SUGCT: variants seen among roughly 807,000 people sequenced by gnomAD.
SUGCT encodes the protein succinyl-CoA:glutarate-CoA transferase.
SUGCT carries 41 observed loss-of-function variants against 55.0 expected under a neutral mutation model. The observed-to-expected ratio is 0.74, with a 90% CI of 0.58 to 0.97. SUGCT has a LOEUF of 0.97. Ranked by LOEUF, SUGCT falls within the 50% of genes least tolerant of loss-of-function variation. SUGCT has a pLI of 0.00. For missense variants in SUGCT, 568 were observed against 547.8 expected (o/e 1.04, Z -0.37); for synonymous variants, 187 against 200.4 (o/e 0.93, Z 0.56).
At chr7:40,652,362 G>T (rs1240261299) in intron 12 of SUGCT, among the ~76,000 whole-genome samples, 1 of 152,118 alleles carries the variant, frequency 6.6e-6, no homozygotes, top group Non-Finnish European at 1.5e-5. Flanking sequence ...CTCCTGCCCT[G>T]CCTTCTTATT....
chr7:40,253,810 T>G (rs989725064), intron 7 of SUGCT, among the ~76,000 whole-genome samples: 1 of 152,242 alleles, frequency 6.6e-6, no homozygotes, highest in Non-Finnish European at 1.5e-5. Flanking sequence ...CATGAGCCAC[T>G]GCACCCGGCC....
intron 9 of SUGCT, among the ~76,000 whole-genome samples, chr7:40,429,121 C>T (rs1022890665): frequency 1.3e-5 from 1 of 79,314 alleles, no homozygotes; most frequent in African/African-American, 4.7e-5. Context: ...ACATAATTAC[C>T]GTTTTTTTTT....
chr7:40,845,717 C>A (rs532405765), intron 13 of SUGCT, among the ~76,000 whole-genome samples: 1 of 152,096 alleles, frequency 6.6e-6, no homozygotes, highest in African/African-American at 2.4e-5. Context: ...ATCAATTGTT[C>A]GACAAATAAT....
At position 40,550,807 on chromosome 7, in the gene SUGCT, G is replaced by T. The variant is rs912956054; in HGVS notation, c.1089+54421G>T. On this transcript the variant is annotated intron_variant, in intron 12 of 13. Transcript: ENST00000335693. ...CTCTCATTGTGTCTTTTGAGGTGTC[G>T]CAAGGGGCTCTAGATGTTTTTCAGA... Among the ~76,000 whole-genome samples, 32 of 152,140 alleles carry T rather than the reference G, an allele frequency of 2.1e-4. 1 individual carries two copies. Among genetic ancestry groups the T allele is most frequent in the Admixed American group, 1.6e-3 (25 of 15,270 alleles).
intron 12 of SUGCT, among the ~76,000 whole-genome samples, chr7:40,608,287 T>A (rs1584116653): frequency 6.6e-6 from 1 of 152,234 alleles, no homozygotes; most frequent in East Asian, 1.9e-4. Flanking sequence ...ATTTTAAATC[T>A]TCCTTATACA....
intron 13 of SUGCT, among the ~76,000 whole-genome samples, chr7:40,778,134 C>T (rs962941850): frequency 6.6e-6 from 1 of 152,202 alleles, no homozygotes; most frequent in African/African-American, 2.4e-5. Context: ...GGACTGAAAG[C>T]CAGTGGTTAA....
chr7:40,636,245 C>T (rs1800017114), intron 12 of SUGCT, among the ~76,000 whole-genome samples: 2 of 152,156 alleles, frequency 1.3e-5, no homozygotes, highest in African/African-American at 4.8e-5. Flanking sequence ...AAGGCTCCCT[C>T]ACATGACTAG....
intron 3 of SUGCT, among the ~76,000 whole-genome samples, chr7:40,187,504 A>G (rs1201382096): frequency 1.3e-5 from 2 of 152,120 alleles, no homozygotes; most frequent in African/African-American, 4.8e-5. Context: ...TTTCCAGTTT[A>G]TGTCCTTTAA....
chr7:40,440,859 A>T lies in SUGCT; in HGVS notation c.817-8428A>T, dbSNP rs1788476382. Among the ~76,000 whole-genome samples, 9 of 151,952 alleles carry T rather than the reference A, an allele frequency of 5.9e-5. No homozygotes were observed. In the South Asian group the frequency reaches 1.9e-3, roughly 32 times the overall value. Reference sequence around the variant, plus strand: ...AGTAGTCCCAGCGACTCAGGAGGCTATGTGAGGAGGATCTCTTAAACCTAG... The same window carrying T: ...AGTAGTCCCAGCGACTCAGGAGGCTTTGTGAGGAGGATCTCTTAAACCTAG... On this transcript the variant is annotated intron_variant, in intron 9 of 13. Coordinates refer to ENST00000335693, the MANE Select transcript of SUGCT (RefSeq NM_001193313.2).
intron 9 of SUGCT, among the ~76,000 whole-genome samples, chr7:40,421,748 TA>T (rs900135640): frequency 6.6e-6 from 1 of 152,026 alleles, no homozygotes; most frequent in African/African-American, 2.4e-5. Flanking sequence ...AACTAAGTGG[TA>T]AAAAAATGCT....
intron 11 of SUGCT, among the ~76,000 whole-genome samples, chr7:40,463,730 A>G (rs573112913): frequency 6.6e-6 from 1 of 152,258 alleles, no homozygotes; most frequent in African/African-American, 2.4e-5. Context: ...TTCCCCAACC[A>G]GGGCTGTGAG....
the SUGCT span, among the ~76,000 whole-genome samples, chr7:40,937,249 A>G: frequency 6.6e-6 from 1 of 151,940 alleles, no homozygotes; most frequent in African/African-American, 2.4e-5. Context: ...GCTCACTGCA[A>G]CCTCTGCCTC....
the SUGCT span, among the ~76,000 whole-genome samples, chr7:40,894,136 A>G: frequency 6.6e-6 from 1 of 152,208 alleles, no homozygotes; most frequent in African/African-American, 2.4e-5. Context: ...AAACAGGCAC[A>G]TAGACCAGTG....
At chr7:40,899,573 G>C in the SUGCT span, among the ~76,000 whole-genome samples, 43 of 151,852 alleles carry the variant, frequency 2.8e-4, no homozygotes, top group African/African-American at 9.9e-4. Context: ...GTATTCCCGG[G>C]AGAACAAAAA....
chr7:40,969,608 C>A, the SUGCT span, among the ~76,000 whole-genome samples: 1 of 152,186 alleles, frequency 6.6e-6, no homozygotes, highest in South Asian at 2.1e-4. Flanking sequence ...TCTTCCACCC[C>A]AGCTTCCCAA....
the SUGCT span, among the ~76,000 whole-genome samples, chr7:40,907,184 G>C: frequency 6.6e-6 from 1 of 151,346 alleles, no homozygotes; most frequent in Admixed American, 6.6e-5. Flanking sequence ...GGGGACTTGG[G>C]TTTCTGCCTC....
chr7:40,612,463 T>C (rs1209112405), intron 12 of SUGCT, among the ~76,000 whole-genome samples: 1 of 152,144 alleles, frequency 6.6e-6, no homozygotes, highest in East Asian at 1.9e-4. Context: ...AAACAAGAAA[T>C]ATCAGGACCT....
At chr7:40,680,782 G>A (rs1784200912) in intron 12 of SUGCT, among the ~76,000 whole-genome samples, 1 of 152,146 alleles carries the variant, frequency 6.6e-6, no homozygotes, top group African/African-American at 2.4e-5. Context: ...TCAGGCATGT[G>A]TGGCCAATGT....
rs1432973616 is a variant in SUGCT at position 40,272,066 on chromosome 7, TCG to T, written c.577-2445_577-2444del. Among the ~76,000 whole-genome samples, 62 of 80,348 alleles carry T rather than the reference TCG, an allele frequency of 7.7e-4. 1 individual carries two copies. The highest frequency in any genetic ancestry group is 4.1e-3 in the South Asian group (10 of 2,458). 52.7% of individuals were successfully genotyped at this position (80,348 alleles called of 152,430 possible). On this transcript the variant is annotated intron_variant, in intron 7 of 13. Coordinates refer to ENST00000335693, the MANE Select transcript of SUGCT (RefSeq NM_001193313.2). ...TGAATAATATTCCTCTCTCTCTGTC[TCG>T]CTCTCTCTCTCTCTCTCTCTCTCTC...
Sources: gnomAD v4.1 joint callset for allele counts (sites outside exome capture counted in the v4.1 genomes callset) on GRCh38, gnomAD v4.1.1 for gene constraint, MANE v1.5 for transcripts, NCBI Gene and HGNC (gene_info 2026-07-23, HGNC 2026-07-21) for gene names.